The following MBNL1 variants were observed in gnomAD, a reference collection of about 807,000 sequenced individuals.
MBNL1 encodes muscleblind-like protein 1.
In MBNL1, 8 loss-of-function variants were observed where a neutral mutation model predicts 42.2. The ratio of observed to expected loss-of-function variants is 0.19; its 90% confidence interval spans 0.11 to 0.34. The LOEUF is 0.34. Ranked by LOEUF, MBNL1 falls within the 10% of genes least tolerant of loss-of-function variation. The pLI is 1.00. For synonymous variants in MBNL1, 169 were observed against 173.9 expected, an observed-to-expected ratio of 0.97 and a Z score of 0.22; for missense variants, 309 against 495.3, an observed-to-expected ratio of 0.62 and a Z score of 3.57.
intron 2 of MBNL1, among the ~76,000 whole-genome samples, chr3:152,313,275 G>A (rs1039378103): frequency 9.9e-5 from 15 of 151,972 alleles, no homozygotes; most frequent in South Asian, 4.2e-4. Context: ...TGCCTGCCTC[G>A]GCCTCCCAAA....
intron 4 of MBNL1, among the ~76,000 whole-genome samples, chr3:152,437,196 CTTCT>C (rs771660311): frequency 4.1e-4 from 62 of 152,252 alleles, no homozygotes; most frequent in Non-Finnish European, 5.7e-4. Context: ...TGTTGAGTTC[CTTCT>C]GAGGTGAAAA....
chr3:152,277,477 T>A (rs775219382), intron 1 of MBNL1, among the ~76,000 whole-genome samples: 1 of 152,070 alleles, frequency 6.6e-6, no homozygotes, highest in Non-Finnish European at 1.5e-5. Context: ...CCTTGCTATT[T>A]TAGGGAAGGT....
rs753781318 is a variant in MBNL1, at chr3:152,455,547, A to G, written c.967A>G (p.Ile323Val). The change falls in exon 7 of 10, where the codon ATA becomes GTA. Residue 323 changes from isoleucine to valine, a missense_variant. Ile to Val is a conservative substitution (Grantham distance 29, BLOSUM62 3). Transcript: ENST00000324210. ...TTGCAATGCATGATGGGCAGGCTCAATATTGTGCATGACACCCGCTACAAG... is the reference window on the plus strand; with the variant it reads ...TTGCAATGCATGATGGGCAGGCTCAGTATTGTGCATGACACCCGCTACAAG... ...QHTAFLPPGS[I>V]LCMTPATSVV... 2.5e-6 allele frequency: 4 copies of G among 1,613,504 alleles called. No homozygotes were observed. The highest frequency in any genetic ancestry group is 2.5e-6 in the Non-Finnish European group (3 of 1,179,666).
chr3:152,248,487 T>C (rs569063674), intron 2 of MBNL1, among the ~76,000 whole-genome samples: 21 of 152,176 alleles, frequency 1.4e-4, no homozygotes, highest in African/African-American at 4.8e-4. Flanking sequence ...CTCATTTTTT[T>C]CTTTATATTT....
chr3:152,448,038 CT>C (rs552045546), intron 6 of MBNL1, among the ~76,000 whole-genome samples: 5 of 152,092 alleles, frequency 3.3e-5, no homozygotes, highest in East Asian at 1.9e-4. Flanking sequence ...ATATAGTTCT[CT>C]TTTTTTCTCT....
intron 1 of MBNL1, among the ~76,000 whole-genome samples, chr3:152,275,707 CA>C (rs60796721): frequency 0.21 from 6,183 of 29,510 alleles, 31 homozygotes; most frequent in Non-Finnish European, 0.25. Context: ...ACTCTTGTCT[CA>C]AAAAAAAAAA....
chr3:152,446,879 A>C, intron 5 of MBNL1: 1 of 764,512 alleles, frequency 1.3e-6, no homozygotes, highest in South Asian at 2.3e-5. Flanking sequence ...AGTACAATGA[A>C]AAAACTGAGT....
chr3:152,292,883 C>T (rs181153161), intron 1 of MBNL1, among the ~76,000 whole-genome samples: 187 of 151,950 alleles, frequency 1.2e-3, no homozygotes, highest in African/African-American at 4.2e-3. Flanking sequence ...ATCCTCCTGC[C>T]TCAGCCTCCT....
At position 152,299,913 on chromosome 3, in the gene MBNL1, C is replaced by G. The variant is rs897720401; in HGVS notation, c.-281C>G. 12 of 433,338 alleles carry G rather than the reference C, an allele frequency of 2.8e-5. No homozygotes were observed. The highest frequency in any genetic ancestry group is 4.9e-5 in the Non-Finnish European group (12 of 247,098). The allele number at this position is 433,338 out of a possible 1,614,324, so 26.8% of individuals were successfully genotyped here. On this transcript the variant is annotated 5_prime_UTR_variant, in exon 2 of 10. Coordinates refer to ENST00000324210, the MANE Select transcript of MBNL1 (RefSeq NM_021038.5). ...GAGAGCACAAGGCTGATACCAGGCC[C>G]TACTTTTAAACGTTCATCTACTTAC...
chr3:152,456,190 A>G (rs1294029261), intron 7 of MBNL1, 77 bp from the exon 8 acceptor site: 1 of 968,896 alleles, frequency 1.0e-6, no homozygotes, highest in Middle Eastern at 2.1e-4. Context: ...ATGCCCAATT[A>G]TCTCTTCCAT....
chr3:152,279,695 A>G (rs2047303384), intron 1 of MBNL1, among the ~76,000 whole-genome samples: 1 of 152,154 alleles, frequency 6.6e-6, no homozygotes. Context: ...AGGTAGACCC[A>G]TTTGGGATTC....
intron 2 of MBNL1, among the ~76,000 whole-genome samples, chr3:152,335,680 T>G (rs2089460346): frequency 6.6e-6 from 1 of 152,176 alleles, no homozygotes; most frequent in Admixed American, 6.5e-5. Context: ...CTTTTATGAT[T>G]TACATCAGAC....
At chr3:152,265,020 C>G (rs1414759306), upstream of MBNL1, 1 of 152,020 alleles carries the variant, frequency 6.6e-6, no homozygotes, top group Non-Finnish European at 1.5e-5. Context: ...TGAAGATAAA[C>G]TAAATTCATG....
rs138345462 is a variant in MBNL1, at chr3:152,459,300, T to C, written c.1122T>C (p.Thr374=). 4 of 1,582,346 alleles carry C rather than the reference T, an allele frequency of 2.5e-6. No individual in the cohort carries two copies. The highest frequency in any genetic ancestry group is 1.4e-5 in the African/African-American group (1 of 73,658). ...QIPIISAEHL[T]SHKYVTQM ...CCATAATATCTGCCGAACATCTGAC[T>C]AGCCACAAGTATGTTACCCAGATGT... Residue 374 remains threonine (T), a synonymous_variant, in exon 9 of 10, where the codon ACT becomes ACC. Coordinates refer to ENST00000324210, the MANE Select transcript of MBNL1 (RefSeq NM_021038.5).
chr3:152,346,896 A>AG (rs1560235719), intron 2 of MBNL1, among the ~76,000 whole-genome samples: 1 of 151,154 alleles, frequency 6.6e-6, no homozygotes, highest in Non-Finnish European at 1.5e-5. Flanking sequence ...AAAAAAAAAA[A>AG]AACCAGTCAT....
At chr3:152,395,991 C>G (rs1417640417) in intron 2 of MBNL1, among the ~76,000 whole-genome samples, 3 of 152,148 alleles carry the variant, frequency 2.0e-5, no homozygotes, top group African/African-American at 7.2e-5. Context: ...TACAGCTGCT[C>G]CGCATTGCTG....
At chr3:152,406,561 A>G (rs2153587165) in intron 2 of MBNL1, among the ~76,000 whole-genome samples, 1 of 152,236 alleles carries the variant, frequency 6.6e-6, no homozygotes, top group South Asian at 2.1e-4. Flanking sequence ...TGCATTACAT[A>G]ATGTTCTGTA....
intron 2 of MBNL1, among the ~76,000 whole-genome samples, chr3:152,371,017 T>G (rs929720517): frequency 2.0e-5 from 3 of 152,214 alleles, no homozygotes; most frequent in Non-Finnish European, 4.4e-5. Flanking sequence ...AATATTGTTA[T>G]GTGTGAGTTT....
chr3:152,354,646 GAAA>G (rs542740520), intron 2 of MBNL1, among the ~76,000 whole-genome samples: 243 of 142,272 alleles, frequency 1.7e-3, no homozygotes, highest in South Asian at 5.3e-3. Context: ...TTTACTATAT[GAAA>G]AAAAAAAACT....
Sources: gnomAD v4.1 joint callset for allele counts (sites outside exome capture counted in the v4.1 genomes callset) on GRCh38, gnomAD v4.1.1 for gene constraint, MANE v1.5 for transcripts, NCBI Gene and HGNC (gene_info 2026-07-23, HGNC 2026-07-21) for gene names.